SORCS1: variants seen among roughly 807,000 people sequenced by gnomAD.
The protein encoded by SORCS1 is VPS10 domain-containing receptor SorCS1.
In SORCS1, 60 loss-of-function variants were observed where a neutral mutation model predicts 146.1. The observed-to-expected ratio is 0.41, with a 90% CI of 0.33 to 0.51. The LOEUF is 0.51. SORCS1 is among the 20% of genes least tolerant of loss of function. The pLI, the probability that SORCS1 is intolerant of heterozygous loss-of-function variation, is 0.21. For synonymous variants in SORCS1, 637 were observed against 584.0 expected (o/e 1.09, Z -1.31); for missense variants, 1,352 against 1,487.6 (o/e 0.91, Z 1.50).
At chr10:106,761,798 C>T in intron 4 of SORCS1, 137 bp from the exon 5 acceptor site, 1 of 700,722 alleles carries the variant, frequency 1.4e-6, no homozygotes, top group Non-Finnish European at 2.5e-6. Context: ...GTGAGTGCTC[C>T]ATGTGTACCA....
chr10:106,755,541 T>C (rs1042744960), intron 5 of SORCS1, among the ~76,000 whole-genome samples: 22 of 152,180 alleles, frequency 1.4e-4, no homozygotes, highest in African/African-American at 5.3e-4. Flanking sequence ...CTATATTTTT[T>C]CCCTAAGAAG....
At chr10:106,973,312 GGTAA>G (rs1362517032) in intron 1 of SORCS1, among the ~76,000 whole-genome samples, 15 of 152,170 alleles carry the variant, frequency 9.9e-5, no homozygotes, top group Non-Finnish European at 8.8e-5. Flanking sequence ...TGCAGGAATG[GGTAA>G]GTATGTCCCT....
chr10:106,878,620 G>GCATA (rs1554871217), intron 2 of SORCS1, among the ~76,000 whole-genome samples: 1 of 84,950 alleles, frequency 1.2e-5, no homozygotes, highest in Admixed American at 1.2e-4. Flanking sequence ...AAACTACCTA[G>GCATA]TATATATATA....
chr10:106,934,878 T>C (rs1953629779), intron 2 of SORCS1, among the ~76,000 whole-genome samples: 1 of 151,990 alleles, frequency 6.6e-6, no homozygotes. Flanking sequence ...CATAAAGGCA[T>C]ACAGAGTGAC....
At chr10:106,931,622 G>GC (rs1318636034) in intron 2 of SORCS1, among the ~76,000 whole-genome samples, 1 of 152,194 alleles carries the variant, frequency 6.6e-6, no homozygotes, top group Non-Finnish European at 1.5e-5. Context: ...TCGTGGGAAA[G>GC]CCCCCTGCAG....
At chr10:106,901,554 T>A (rs1951701335) in intron 2 of SORCS1, among the ~76,000 whole-genome samples, 1 of 152,152 alleles carries the variant, frequency 6.6e-6, no homozygotes, top group African/African-American at 2.4e-5. Context: ...TGCCTCAGCC[T>A]CCCAAAGTAC....
At chr10:106,722,006 T>TTTTCACAAGAACA (rs1205087124) in intron 6 of SORCS1, among the ~76,000 whole-genome samples, 1 of 151,996 alleles carries the variant, frequency 6.6e-6, no homozygotes, top group Non-Finnish European at 1.5e-5. Context: ...AACACTAAAT[T>TTTTCACAAGAACA]TGCCACAACA....
intron 18 of SORCS1, among the ~76,000 whole-genome samples, chr10:106,639,717 C>A (rs988288333): frequency 8.5e-5 from 13 of 152,294 alleles, no homozygotes; most frequent in Admixed American, 7.2e-4. Context: ...TCGAAATCAG[C>A]TTCCACTCCT....
intron 2 of SORCS1, among the ~76,000 whole-genome samples, chr10:106,884,431 A>C (rs1034812726): frequency 6.7e-6 from 1 of 148,836 alleles, no homozygotes; most frequent in Admixed American, 6.7e-5. Context: ...TTCACATTCT[A>C]TTTTTTTTTT....
At chr10:106,865,359 T>G (rs1159631585) in intron 2 of SORCS1, among the ~76,000 whole-genome samples, 5 of 152,130 alleles carry the variant, frequency 3.3e-5, no homozygotes, top group African/African-American at 1.2e-4. Context: ...TCCCTCCAGG[T>G]ACTGGAAAAC....
At chr10:106,843,985 T>C (rs554382617) in intron 2 of SORCS1, among the ~76,000 whole-genome samples, 1 of 152,336 alleles carries the variant, frequency 6.6e-6, no homozygotes, top group Admixed American at 6.5e-5. Context: ...TTGTTTTCCA[T>C]AGTGGCTGCA....
chr10:106,610,669 AT>A (rs777165222), intron 22 of SORCS1, among the ~76,000 whole-genome samples: 19 of 152,180 alleles, frequency 1.2e-4, no homozygotes, highest in Non-Finnish European at 2.4e-4. Context: ...ACTGATTTTC[AT>A]TCTGAGCTAA....
At chr10:107,011,976 C>T (rs1172114049) in intron 1 of SORCS1, among the ~76,000 whole-genome samples, 4 of 152,078 alleles carry the variant, frequency 2.6e-5, no homozygotes, top group African/African-American at 7.2e-5. Context: ...AAGAAAAGCC[C>T]ACAAGTATGT....
intron 9 of SORCS1, 38 bp downstream of exon 9, chr10:106,699,176 C>T: frequency 1.3e-6 from 2 of 1,548,378 alleles, no homozygotes; most frequent in Admixed American, 1.9e-5. Context: ...CAGCTGGGCA[C>T]TGCTGTGGCT....
At chr10:107,044,327 A>G (rs1033583818) in intron 1 of SORCS1, among the ~76,000 whole-genome samples, 1 of 152,018 alleles carries the variant, frequency 6.6e-6, no homozygotes, top group Admixed American at 6.6e-5. Flanking sequence ...TTCTGTGTTT[A>G]GCCTTAAGGA....
At chr10:107,089,048 A>G (rs1369656497) in intron 1 of SORCS1, among the ~76,000 whole-genome samples, 1 of 152,204 alleles carries the variant, frequency 6.6e-6, no homozygotes, top group East Asian at 1.9e-4. Flanking sequence ...GTGATATACA[A>G]AAGACATTCA....
intron 24 of SORCS1, among the ~76,000 whole-genome samples, chr10:106,584,234 C>G (rs1845089554): frequency 6.6e-6 from 1 of 152,306 alleles, no homozygotes; most frequent in Non-Finnish European, 1.5e-5. Flanking sequence ...ATTTACAGAG[C>G]ACTTTCAGTT....
At chr10:106,639,931 T>C (rs940073864) in intron 18 of SORCS1, among the ~76,000 whole-genome samples, 1 of 151,866 alleles carries the variant, frequency 6.6e-6, no homozygotes, top group Admixed American at 6.6e-5. Flanking sequence ...GGGAGGAGAA[T>C]TGCTTGAACC....
intron 1 of SORCS1, among the ~76,000 whole-genome samples, chr10:106,985,585 G>A (rs1956435592): frequency 6.7e-6 from 1 of 150,234 alleles, no homozygotes; most frequent in African/African-American, 2.5e-5. Flanking sequence ...CACCAGGTTG[G>A]AGTGCAGTGG....
Sources: allele counts gnomAD v4.1 joint callset (sites outside exome capture counted in the v4.1 genomes callset), GRCh38; gene constraint gnomAD v4.1.1; transcripts MANE v1.5; gene names NCBI Gene and HGNC (gene_info 2026-07-23, HGNC 2026-07-21).